HEPACAM2: variants seen among roughly 807,000 people sequenced by gnomAD.
HEPACAM2 encodes the protein HEPACAM family member 2.
Under a neutral mutation model 49.6 loss-of-function variants are expected in HEPACAM2, and 49 were observed. The observed-to-expected ratio is 0.99, with a 90% CI of 0.78 to 1.25. The LOEUF (loss-of-function observed/expected upper bound fraction) is 1.25, where lower values mean the gene tolerates loss of function less well. HEPACAM2 is among the 50% of genes most tolerant of loss of function. The pLI is 0.00. For synonymous variants in HEPACAM2, 197 were observed against 202.9 expected (o/e 0.97, Z 0.25); for missense variants, 525 against 557.2 (o/e 0.94, Z 0.58).
At chr7:93,197,458 A>AT in intron 5 of HEPACAM2, 27 bp downstream of exon 5, 1 of 1,581,688 alleles carries the variant, frequency 6.3e-7, no homozygotes, top group Non-Finnish European at 8.6e-7. Context: ...ATACAGCTTC[A>AT]ATTTTTTTTT....
intron 8 of HEPACAM2, among the ~76,000 whole-genome samples, chr7:93,195,296 C>T (rs1009443728): frequency 3.3e-5 from 5 of 152,094 alleles, no homozygotes; most frequent in African/African-American, 7.2e-5. Flanking sequence ...AGTGTGATCA[C>T]GGCTCACTGT....
intron 4 of HEPACAM2, among the ~76,000 whole-genome samples, chr7:93,199,394 T>G (rs1793821509): frequency 6.6e-6 from 1 of 152,132 alleles, no homozygotes; most frequent in African/African-American, 2.4e-5. Flanking sequence ...ATTCTCCCAC[T>G]GTTAGAAGGC....
chr7:93,223,060 T>C (rs1794480211), intron 1 of HEPACAM2, among the ~76,000 whole-genome samples: 2 of 152,176 alleles, frequency 1.3e-5, no homozygotes. Flanking sequence ...AGCTTTGTCA[T>C]GGATGTGTTG....
intron 4 of HEPACAM2, among the ~76,000 whole-genome samples, chr7:93,199,189 TA>T (rs2116647240): frequency 6.6e-6 from 1 of 152,236 alleles, no homozygotes; most frequent in South Asian, 2.1e-4. Flanking sequence ...TCTATGGGAT[TA>T]TAATATCTGT....
chr7:93,199,532 T>G (rs1005066760), intron 4 of HEPACAM2, among the ~76,000 whole-genome samples: 2 of 152,096 alleles, frequency 1.3e-5, no homozygotes, highest in Non-Finnish European at 2.9e-5. Flanking sequence ...GTGAGCCCCT[T>G]GACTCTCAGG....
chr7:93,223,679 T>A (rs1469644667), intron 1 of HEPACAM2, among the ~76,000 whole-genome samples: 1 of 152,182 alleles, frequency 6.6e-6, no homozygotes, highest in Non-Finnish European at 1.5e-5. Context: ...CAGTGAGAAA[T>A]AGCACAGCTG....
intron 3 of HEPACAM2, among the ~76,000 whole-genome samples, chr7:93,209,699 T>C (rs1374867975): frequency 6.6e-6 from 1 of 151,974 alleles, no homozygotes; most frequent in African/African-American, 2.4e-5. Context: ...GAAATAGTCA[T>C]TGTACTTGAA....
Position 93,195,510 on chromosome 7 carries a change from C to T in HEPACAM2, c.1275+318G>A, listed in dbSNP as rs943455652. Among the ~76,000 whole-genome samples the T allele has an allele frequency of 6.6e-5, 10 of 152,262 alleles. No individual in the cohort carries two copies. In the East Asian group the frequency reaches 7.7e-4, roughly 12 times the overall value. On this transcript the variant is annotated intron_variant, in intron 8 of 9. Transcript: ENST00000394468. ...CTAGGAATACAGATGTGAGCCACCA[C>T]GCCCAGCTTGTTTATTCAGTTCTCT...
Position 93,208,675 on chromosome 7 carries a change from A to G in HEPACAM2, c.917T>C (p.Val306Ala), listed in dbSNP as rs753741769. 1 of 1,613,230 alleles carries G rather than the reference A, an allele frequency of 6.2e-7. No homozygotes were observed. ...CACATAGTCCATTGTCTTCTGGGCT[A>G]CTTTCTCAGATGCAACTTCTAAGCG... Reference protein sequence around the residue: ...GPRLEVASEKVAQKTMDYVCC... With the variant: ...GPRLEVASEKAAQKTMDYVCC... Residue 306 changes from valine (V) to alanine (A), a missense_variant, in exon 4 of 10, where the codon GTA becomes GCA. Coordinates refer to ENST00000394468, the MANE Select transcript of HEPACAM2 (RefSeq NM_001039372.4).
chr7:93,221,674 A>G (rs905830154), intron 1 of HEPACAM2, among the ~76,000 whole-genome samples: 2 of 152,192 alleles, frequency 1.3e-5, no homozygotes, highest in African/African-American at 2.4e-5. Context: ...ATAGTTAGTT[A>G]GAGGGAGAAG....
At chr7:93,203,272 A>G (rs1356884501) in intron 4 of HEPACAM2, among the ~76,000 whole-genome samples, 1 of 152,174 alleles carries the variant, frequency 6.6e-6, no homozygotes, top group Non-Finnish European at 1.5e-5. Flanking sequence ...CCCAGAACAC[A>G]CAAGATTTAC....
intron 8 of HEPACAM2, 50 bp from the exon 9 acceptor site, chr7:93,192,413 G>A (rs1468922753): frequency 7.3e-7 from 1 of 1,363,774 alleles, no homozygotes; most frequent in Non-Finnish European, 1.0e-6. Flanking sequence ...CTAGTAAATA[G>A]TTTTTCCACT....
intron 8 of HEPACAM2, among the ~76,000 whole-genome samples, chr7:93,192,928 G>A (rs1793593405): frequency 6.6e-6 from 1 of 152,058 alleles, no homozygotes; most frequent in South Asian, 2.1e-4. Context: ...AATGTGGAAA[G>A]GATAGTGTAT....
chr7:93,202,036 A>C (rs868244491), intron 4 of HEPACAM2, among the ~76,000 whole-genome samples: 4 of 21,430 alleles, frequency 1.9e-4, no homozygotes, highest in South Asian at 2.2e-3. Flanking sequence ...AAAAACCAAA[A>C]AAAAAAAAAA....
At chr7:93,203,640 G>A (rs1793952335) in intron 4 of HEPACAM2, among the ~76,000 whole-genome samples, 1 of 151,996 alleles carries the variant, frequency 6.6e-6, no homozygotes, top group African/African-American at 2.4e-5. Context: ...TCCTCCTTAG[G>A]CAAACAAATA....
intron 3 of HEPACAM2, among the ~76,000 whole-genome samples, chr7:93,209,677 A>G (rs1310599840): frequency 1.3e-5 from 2 of 151,978 alleles, no homozygotes; most frequent in Non-Finnish European, 2.9e-5. Flanking sequence ...GCTTCTACAC[A>G]TTAATATTTC....
At chr7:93,214,354 T>C (rs940441266) in intron 3 of HEPACAM2, among the ~76,000 whole-genome samples, 2 of 152,232 alleles carry the variant, frequency 1.3e-5, no homozygotes, top group African/African-American at 4.8e-5. Context: ...AATTAATGAG[T>C]CAAAATCTTT....
upstream of HEPACAM2, among the ~76,000 whole-genome samples, chr7:93,228,893 G>A (rs1264408556): frequency 6.7e-6 from 1 of 149,960 alleles, no homozygotes; most frequent in African/African-American, 2.5e-5. Flanking sequence ...GTGTGTATGT[G>A]TGTGTATGTT....
chr7:93,209,346 CAT>C (rs765372225), intron 3 of HEPACAM2, among the ~76,000 whole-genome samples: 6 of 151,936 alleles, frequency 3.9e-5, no homozygotes, highest in Admixed American at 1.3e-4. Context: ...GTTTTGATCA[CAT>C]GTTTTGATAC....
Sources: allele counts gnomAD v4.1 joint callset (sites outside exome capture counted in the v4.1 genomes callset), GRCh38; gene constraint gnomAD v4.1.1; transcripts MANE v1.5; gene names NCBI Gene and HGNC (gene_info 2026-07-23, HGNC 2026-07-21).